The following TMCC1 variants were observed in gnomAD, a reference collection of about 807,000 sequenced individuals.
TMCC1 encodes transmembrane and coiled-coil domain family 1.
In TMCC1, 15 loss-of-function variants were observed where a neutral mutation model predicts 52.4. The ratio of observed to expected loss-of-function variants is 0.29; its 90% CI spans 0.19 to 0.44. TMCC1 has a LOEUF of 0.44. Ranked by LOEUF, TMCC1 falls within the 20% of genes least tolerant of loss-of-function variation. The pLI, the probability that TMCC1 is intolerant of heterozygous loss-of-function variation, is 1.00. For missense variants in TMCC1, 503 were observed against 806.0 expected, an observed-to-expected ratio of 0.62 and a Z score of 4.55; for synonymous variants, 279 against 301.9, an observed-to-expected ratio of 0.92 and a Z score of 0.79.
chr3:129,833,430 C>T, intron 2 of TMCC1, among the ~76,000 whole-genome samples: 1 of 152,120 alleles, frequency 6.6e-6, no homozygotes, highest in East Asian at 1.9e-4. Flanking sequence ...ATTAGCCAGG[C>T]ATGGTAGTGC....
intron 4 of TMCC1, among the ~76,000 whole-genome samples, chr3:129,676,064 A>T (rs956963845): frequency 1.3e-5 from 2 of 148,308 alleles, no homozygotes; most frequent in Admixed American, 1.3e-4. Context: ...AAAAAAAATT[A>T]CAGATGTTGT....
intron 4 of TMCC1, among the ~76,000 whole-genome samples, chr3:129,775,206 AG>A (rs1182305537): frequency 6.6e-6 from 1 of 152,122 alleles, no homozygotes; most frequent in Non-Finnish European, 1.5e-5. Context: ...GCACTTTGGG[AG>A]GCTGAGGCAG....
chr3:129,718,178 A>G lies in TMCC1; in HGVS notation c.577-46914T>C, dbSNP rs114999056. Reference sequence around the variant, plus strand: ...ATAAAGTATGTACAAATCTGAAGTTAATTCTATCAAAATTTATACAAACAC... The same window carrying G: ...ATAAAGTATGTACAAATCTGAAGTTGATTCTATCAAAATTTATACAAACAC... On this transcript the variant is annotated intron_variant, in intron 4 of 6. Coordinates refer to ENST00000393238, the MANE Select transcript of TMCC1 (RefSeq NM_001017395.5). Among the ~76,000 whole-genome samples, 460 of 152,372 alleles carry G rather than the reference A, an allele frequency of 3.0e-3. 2 individuals are homozygous for G. Among genetic ancestry groups the G allele is most frequent in the African/African-American group, 0.011 (445 of 41,588 alleles).
chr3:129,758,922 G>A (rs1306119407), intron 4 of TMCC1, among the ~76,000 whole-genome samples: 1 of 152,032 alleles, frequency 6.6e-6, no homozygotes, highest in African/African-American at 2.4e-5. Context: ...GTATCTTTTT[G>A]TGACTATTTC....
At chr3:129,700,334 G>A (rs1460977455) in intron 4 of TMCC1, among the ~76,000 whole-genome samples, 1 of 152,098 alleles carries the variant, frequency 6.6e-6, no homozygotes, top group African/African-American at 2.4e-5. Flanking sequence ...AATCATCTCT[G>A]TCAAAATATT....
intron 4 of TMCC1, among the ~76,000 whole-genome samples, chr3:129,760,563 C>G (rs1292805701): frequency 6.6e-6 from 1 of 151,708 alleles, no homozygotes; most frequent in African/African-American, 2.4e-5. Flanking sequence ...CTACAAGCTC[C>G]GCCTCCCGGG....
intron 4 of TMCC1, among the ~76,000 whole-genome samples, chr3:129,762,869 T>G (rs2053726876): frequency 6.6e-6 from 1 of 152,016 alleles, no homozygotes; most frequent in African/African-American, 2.4e-5. Context: ...TGGGTTCAAG[T>G]GCTCAACCTG....
chr3:129,735,062 C>G (rs987072672), intron 4 of TMCC1, among the ~76,000 whole-genome samples: 1 of 151,946 alleles, frequency 6.6e-6, no homozygotes, highest in Non-Finnish European at 1.5e-5. Flanking sequence ...CCACCACGCC[C>G]GGCTAATTTT....
chr3:129,757,332 C>G (rs942226197), intron 4 of TMCC1, among the ~76,000 whole-genome samples: 3 of 152,084 alleles, frequency 2.0e-5, no homozygotes, highest in Admixed American at 2.0e-4. Flanking sequence ...TCCAGTCTTC[C>G]CACTGCCACC....
chr3:129,814,472 T>C (rs1204393357), intron 4 of TMCC1, among the ~76,000 whole-genome samples: 1 of 151,296 alleles, frequency 6.6e-6, no homozygotes, highest in Admixed American at 6.6e-5. Context: ...ACAAAGACAA[T>C]AGTAAAAAAG....
intron 4 of TMCC1, among the ~76,000 whole-genome samples, chr3:129,805,634 A>T (rs978533680): frequency 6.6e-6 from 1 of 152,198 alleles, no homozygotes; most frequent in Admixed American, 6.5e-5. Flanking sequence ...AATCATAACA[A>T]TTAAAAGAAC....
At chr3:129,762,397 G>C (rs1208493791) in intron 4 of TMCC1, among the ~76,000 whole-genome samples, 1 of 152,024 alleles carries the variant, frequency 6.6e-6, no homozygotes, top group African/African-American at 2.4e-5. Context: ...ATACATTCAA[G>C]GATTTAATGA....
intron 4 of TMCC1, among the ~76,000 whole-genome samples, chr3:129,719,233 C>T (rs190190180): frequency 7.9e-5 from 12 of 152,314 alleles, no homozygotes; most frequent in Non-Finnish European, 1.5e-4. Flanking sequence ...TAATCAATCA[C>T]ACCCACATAA....
intron 4 of TMCC1, among the ~76,000 whole-genome samples, chr3:129,750,286 G>A (rs1254961633): frequency 6.6e-6 from 1 of 152,116 alleles, no homozygotes; most frequent in Non-Finnish European, 1.5e-5. Flanking sequence ...TGCCTCCTGG[G>A]TTCAAGCAAT....
At chr3:129,865,384 C>G (rs1009243014) in intron 2 of TMCC1, among the ~76,000 whole-genome samples, 2 of 151,512 alleles carry the variant, frequency 1.3e-5, no homozygotes, top group Admixed American at 6.6e-5. Flanking sequence ...CTCGTGGGCT[C>G]AAGTGACCCA....
chr3:129,810,461 C>T (rs964662701), intron 4 of TMCC1, among the ~76,000 whole-genome samples: 7 of 152,206 alleles, frequency 4.6e-5, no homozygotes, highest in Non-Finnish European at 7.3e-5. Context: ...GAACTATAAT[C>T]GGATCACAAA....
chr3:129,773,264 A>G (rs2054758512), intron 4 of TMCC1, among the ~76,000 whole-genome samples: 1 of 152,266 alleles, frequency 6.6e-6, no homozygotes, highest in African/African-American at 2.4e-5. Context: ...CAAGTGTACT[A>G]TAAAAGTATA....
rs972514680 is a variant in TMCC1, at chr3:129,826,793, A to G, written c.576+1010T>C. The stretch of plus-strand genomic sequence containing the variant: ...GTAACTTAATATCCAATAAAAAAAA[A>G]CCTAACTGTACCGCAAGCAGACACA... On this transcript the variant is annotated intron_variant, in intron 4 of 6. Coordinates refer to ENST00000393238, the MANE Select transcript of TMCC1 (RefSeq NM_001017395.5). Among the ~76,000 whole-genome samples, 7 of 152,242 alleles carry G rather than the reference A, an allele frequency of 4.6e-5. No homozygotes were observed. In the East Asian group the frequency reaches 1.4e-3, roughly 29 times the overall value.
intron 4 of TMCC1, among the ~76,000 whole-genome samples, chr3:129,806,371 T>G (rs2057465575): frequency 6.6e-6 from 1 of 152,194 alleles, no homozygotes; most frequent in Non-Finnish European, 1.5e-5. Context: ...AGATGAGAAT[T>G]TCAGTCCTCT....
Sources: allele counts gnomAD v4.1 joint callset (sites outside exome capture counted in the v4.1 genomes callset), GRCh38; gene constraint gnomAD v4.1.1; transcripts MANE v1.5; gene names NCBI Gene and HGNC (gene_info 2026-07-23, HGNC 2026-07-21).